The following VSTM2B variants were observed in gnomAD, a reference collection of about 807,000 sequenced individuals.
VSTM2B encodes the protein V-set and transmembrane domain containing 2B, also known as V-set and transmembrane domain-containing protein 2B.
VSTM2B carries 24 observed loss-of-function variants against 24.0 expected under a neutral mutation model. The observed-to-expected ratio is 1.00, with a 90% CI of 0.72 to 1.40. The LOEUF (loss-of-function observed/expected upper bound fraction) is 1.40, where lower values mean the gene tolerates loss of function less well. Ranked by LOEUF, VSTM2B falls within the 40% of genes most tolerant of loss-of-function variation. VSTM2B has a pLI of 0.00. For missense variants in VSTM2B, 399 were observed against 416.4 expected, an observed-to-expected ratio of 0.96 and a Z score of 0.36; for synonymous variants, 226 against 194.4, an observed-to-expected ratio of 1.16 and a Z score of -1.35.
At chr19:29,550,047 A>T (rs889407074) in intron 4 of VSTM2B, among the ~76,000 whole-genome samples, 4 of 152,248 alleles carry the variant, frequency 2.6e-5, no homozygotes, top group African/African-American at 9.6e-5. Flanking sequence ...GAGACTAGAA[A>T]TAGGCTTGAA....
chr19:29,538,116 G>A (rs1408808852), intron 4 of VSTM2B, among the ~76,000 whole-genome samples: 1 of 152,136 alleles, frequency 6.6e-6, no homozygotes, highest in Admixed American at 6.5e-5. Flanking sequence ...GGCCTTTACA[G>A]GGCTCTGGCC....
chr19:29,540,264 C>G (rs113943241), intron 4 of VSTM2B, among the ~76,000 whole-genome samples: 26 of 152,226 alleles, frequency 1.7e-4, no homozygotes, highest in African/African-American at 6.3e-4. Flanking sequence ...AGACCTAGCC[C>G]CTGCCCCAGG....
chr19:29,533,371 G>A (rs996294617), intron 4 of VSTM2B, among the ~76,000 whole-genome samples: 5 of 152,198 alleles, frequency 3.3e-5, no homozygotes, highest in Non-Finnish European at 5.9e-5. Flanking sequence ...TGGCCTCTGA[G>A]GTCTCTGTCA....
rs75972752 is a variant in VSTM2B at position 29,550,434 on chromosome 19, A to G, written c.770-13412A>G. ...GTGACAGAATGAGACCCTGTCAATC[A>G]ATCAGTCAATCAATCAATGTGCTAT... is the stretch of plus-strand genomic sequence containing the variant. On this transcript the variant is annotated intron_variant, in intron 4 of 4. Coordinates refer to ENST00000335523, the MANE Select transcript of VSTM2B (RefSeq NM_001146339.2). Among the ~76,000 whole-genome samples, 1,179 of 152,274 alleles carry G rather than the reference A, an allele frequency of 7.7e-3. 32 individuals carry two copies. Among genetic ancestry groups the G allele is most frequent in the East Asian group, 0.055 (285 of 5,156 alleles).
intron 4 of VSTM2B, among the ~76,000 whole-genome samples, chr19:29,556,413 C>T (rs28839578): frequency 1.3e-5 from 2 of 152,144 alleles, no homozygotes; most frequent in African/African-American, 4.8e-5. Flanking sequence ...TTATGACAAA[C>T]CTACAGCCAA....
chr19:29,549,155 A>G (rs976244139), intron 4 of VSTM2B, among the ~76,000 whole-genome samples: 1 of 152,232 alleles, frequency 6.6e-6, no homozygotes, highest in Non-Finnish European at 1.5e-5. Context: ...ATAATTTACA[A>G]TTTGTAAGAC....
rs977466432 is a variant in VSTM2B, at chr19:29,531,446, A to G, written c.769+1156A>G. Among the ~76,000 whole-genome samples, 62 of 152,200 alleles carry G rather than the reference A, an allele frequency of 4.1e-4. 1 individual carries two copies. The highest frequency in any genetic ancestry group is 1.8e-4 in the Non-Finnish European group (12 of 68,020). On this transcript the variant is annotated intron_variant, in intron 4 of 4. Coordinates refer to ENST00000335523, the MANE Select transcript of VSTM2B (RefSeq NM_001146339.2). ...TGCAGGCTCCTGGACTACCTGCAGA[A>G]TCCGCTGGGGCAGGTCTTCATGTCC...
chr19:29,553,178 A>ATACACTTCG (rs1429021534), intron 4 of VSTM2B, among the ~76,000 whole-genome samples: 15 of 152,246 alleles, frequency 9.9e-5, no homozygotes, highest in African/African-American at 3.4e-4. Context: ...AGGGGTCACC[A>ATACACTTCG]TACAGGAGTG....
chr19:29,530,587 T>C (rs1969732223), intron 4 of VSTM2B, among the ~76,000 whole-genome samples: 1 of 152,016 alleles, frequency 6.6e-6, no homozygotes, highest in Admixed American at 6.5e-5. Flanking sequence ...GCGACCTCTT[T>C]TGGGTTTGGA....
Position 29,527,211 on chromosome 19 carries a change from C to A in VSTM2B, c.83C>A (p.Ala28Asp). Residue 28 changes from alanine to aspartate, a missense_variant and splice_region_variant, in exon 2 of 5, where the codon GCT becomes GAT. Transcript: ENST00000335523. Reference protein sequence around the residue: ...LHALLLFVADAAFTEVPKDVT... With the variant: ...LHALLLFVADDAFTEVPKDVT... ...CCTCTCTCTCTCTCCCCACCCCCAGCTGCATTCACAGAAGTCCCCAAAGAT... is the reference window on the plus strand; with the variant it reads ...CCTCTCTCTCTCTCCCCACCCCCAGATGCATTCACAGAAGTCCCCAAAGAT... 1 of 1,547,896 alleles carries A rather than the reference C, an allele frequency of 6.5e-7. No homozygotes were observed.
chr19:29,543,062 T>C (rs926030386), intron 4 of VSTM2B, among the ~76,000 whole-genome samples: 1 of 152,204 alleles, frequency 6.6e-6, no homozygotes, highest in South Asian at 2.1e-4. Context: ...CTCCTCCCTC[T>C]GCTGGGCACT....
At chr19:29,535,883 C>A (rs373482117) in intron 4 of VSTM2B, among the ~76,000 whole-genome samples, 2 of 152,126 alleles carry the variant, frequency 1.3e-5, no homozygotes, top group East Asian at 3.9e-4. Context: ...AGGCCCTCAC[C>A]TTAAATGAAC....
At chr19:29,530,469 G>A (rs1447563668) in intron 4 of VSTM2B, among the ~76,000 whole-genome samples, 179 bp downstream of exon 4, 1 of 152,206 alleles carries the variant, frequency 6.6e-6, no homozygotes. Flanking sequence ...CGGTTTCTCT[G>A]TCTTTACTCC....
intron 4 of VSTM2B, among the ~76,000 whole-genome samples, chr19:29,543,454 G>A (rs1049679448): frequency 2.0e-5 from 3 of 152,228 alleles, no homozygotes; most frequent in Non-Finnish European, 4.4e-5. Flanking sequence ...TGTCACTGAG[G>A]TGGAACCCAA....
At chr19:29,551,175 T>C (rs373786942) in intron 4 of VSTM2B, among the ~76,000 whole-genome samples, 65 of 152,276 alleles carry the variant, frequency 4.3e-4, no homozygotes, top group East Asian at 2.7e-3. Flanking sequence ...TTCCACAGCA[T>C]AGAAACAGAT....
In VSTM2B at chr19:29,529,832, A is replaced by G. The variant is rs1376162786; in HGVS notation, c.311A>G (p.Gln104Arg). 6.5e-7 allele frequency: 1 copy of G among 1,549,760 alleles called. No individual in the cohort carries two copies. The highest frequency in any genetic ancestry group is 1.4e-5 in the African/African-American group (1 of 73,114). ...DATKISTVRV[Q>R]GNDISHRLRL... ...GCTCTCTTGCAGACCGTACGCGTCC[A>G]GGGCAATGACATCTCACACCGGCTT... Residue 104 changes from glutamine to arginine, a missense_variant, in exon 4 of 5, where the codon CAG (glutamine) becomes CGG (arginine). By Grantham distance (43) the Gln-to-Arg change is conservative (BLOSUM62 1). Coordinates refer to ENST00000335523, the MANE Select transcript of VSTM2B (RefSeq NM_001146339.2).
intron 4 of VSTM2B, among the ~76,000 whole-genome samples, chr19:29,551,090 T>G (rs890049738): frequency 1.1e-4 from 16 of 152,208 alleles, no homozygotes; most frequent in South Asian, 4.1e-4. Context: ...TGGCGAGCTG[T>G]GCAGGCTGGT....
chr19:29,536,950 T>C (rs1440383128), intron 4 of VSTM2B, among the ~76,000 whole-genome samples: 1 of 152,232 alleles, frequency 6.6e-6, no homozygotes, highest in East Asian at 1.9e-4. Flanking sequence ...TCTAAACCCC[T>C]GAGCTTTCTG....
rs528219700 is a variant in VSTM2B at position 29,554,307 on chromosome 19, A to G, written c.770-9539A>G. Among the ~76,000 whole-genome samples, 3 of 152,342 alleles carry G rather than the reference A, an allele frequency of 2.0e-5. No homozygotes were observed. The East Asian group carries it at 5.8e-4, about 29-fold the overall frequency. On this transcript the variant is annotated intron_variant, in intron 4 of 4. Transcript: ENST00000335523. ...AAGAATTTCCAACACAGAATATCATATCCAGCCAAACTAAACTTTATAAGC... is the reference window on the plus strand; with the variant it reads ...AAGAATTTCCAACACAGAATATCATGTCCAGCCAAACTAAACTTTATAAGC...
Sources: allele counts gnomAD v4.1 joint callset (sites outside exome capture counted in the v4.1 genomes callset), GRCh38; gene constraint gnomAD v4.1.1; transcripts MANE v1.5; gene names NCBI Gene and HGNC (gene_info 2026-07-23, HGNC 2026-07-21).